DAB1: variants seen among roughly 807,000 people sequenced by gnomAD.
DAB1 encodes the protein DAB adaptor protein 1.
A neutral mutation model predicts 64.6 loss-of-function variants in DAB1; 15 were observed. The ratio of observed to expected loss-of-function variants is 0.23; its 90% confidence interval spans 0.16 to 0.36. The LOEUF (loss-of-function observed/expected upper bound fraction) is 0.36, where lower values mean the gene tolerates loss of function less well. Ranked by LOEUF, DAB1 falls within the 10% of genes least tolerant of loss-of-function variation. The probability of loss-of-function intolerance (pLI) is 1.00; values close to 1 mark genes in which losing one functional copy is unlikely to be tolerated. For synonymous variants in DAB1, 235 were observed against 251.9 expected (o/e 0.93, Z 0.64); for missense variants, 596 against 706.7 (o/e 0.84, Z 1.78).
chr1:57,013,684 T>G (rs1646334935), intron 12 of DAB1, among the ~76,000 whole-genome samples: 1 of 152,158 alleles, frequency 6.6e-6, no homozygotes, highest in South Asian at 2.1e-4. Flanking sequence ...GTGACAGTAA[T>G]GAAACCGCCA....
intron 6 of DAB1, among the ~76,000 whole-genome samples, chr1:57,689,371 T>C (rs543001519): frequency 6.6e-4 from 101 of 152,264 alleles, no homozygotes; most frequent in Non-Finnish European, 1.1e-3. Flanking sequence ...GTGAAGGTGA[T>C]AATGGGGTTT....
At chr1:57,888,565 G>A (rs191663436), upstream of DAB1, among the ~76,000 whole-genome samples, 21 of 152,288 alleles carry the variant, frequency 1.4e-4, no homozygotes, top group Non-Finnish European at 2.4e-4. Context: ...GAAACAAAAT[G>A]TGCTTTGCAA....
At chr1:58,265,757 C>A (rs75953457) in intron 4 of DAB1, among the ~76,000 whole-genome samples, 1 of 152,222 alleles carries the variant, frequency 6.6e-6, no homozygotes, top group South Asian at 2.1e-4. Context: ...TTTTTAGGAG[C>A]AAAATATGAA....
intron 4 of DAB1, among the ~76,000 whole-genome samples, chr1:58,169,666 T>C (rs1158561995): frequency 6.6e-6 from 1 of 152,168 alleles, no homozygotes; most frequent in Admixed American, 6.5e-5. Flanking sequence ...ATGCAAAGCT[T>C]GCAATTTACA....
At chr1:57,189,519 G>A (rs1663925791) in intron 2 of DAB1, among the ~76,000 whole-genome samples, 1 of 152,144 alleles carries the variant, frequency 6.6e-6, no homozygotes, top group South Asian at 2.1e-4. Flanking sequence ...TGGAGCAAAT[G>A]GTTTTGCAGG....
chr1:57,542,844 T>A (rs1047166553), intron 7 of DAB1, among the ~76,000 whole-genome samples: 1 of 152,120 alleles, frequency 6.6e-6, no homozygotes, highest in Admixed American at 6.5e-5. Flanking sequence ...GCAGAAGAGA[T>A]GATATGTCAC....
chr1:58,374,362 T>G (rs1331922464), intron 3 of DAB1, among the ~76,000 whole-genome samples: 2 of 125,046 alleles, frequency 1.6e-5, no homozygotes, highest in African/African-American at 5.9e-5. Flanking sequence ...TTGTATAAGG[T>G]GTAAGGAAGG....
At chr1:58,100,136 A>G (rs1651227262) in intron 5 of DAB1, among the ~76,000 whole-genome samples, 1 of 152,224 alleles carries the variant, frequency 6.6e-6, no homozygotes, top group Non-Finnish European at 1.5e-5. Flanking sequence ...TATAAAATTC[A>G]GTGGCATTAA....
At chr1:58,060,409 C>A (rs1007791188) in intron 5 of DAB1, 2 of 152,152 alleles carry the variant, frequency 1.3e-5, no homozygotes, top group Non-Finnish European at 2.9e-5. Context: ...TGTAGATAGA[C>A]CAGTTTTTCA....
chr1:58,300,616 G>GAAAGAA (rs1557726101), intron 4 of DAB1, among the ~76,000 whole-genome samples: 8 of 44,084 alleles, frequency 1.8e-4, no homozygotes, highest in African/African-American at 5.9e-4. Flanking sequence ...AAGAAAGAGA[G>GAAAGAA]AGAGAGAGAG....
intron 3 of DAB1, among the ~76,000 whole-genome samples, chr1:58,395,664 C>CT (rs1036589709): frequency 7.2e-5 from 11 of 152,104 alleles, no homozygotes; most frequent in South Asian, 4.2e-4. Flanking sequence ...GCCTGGAGCT[C>CT]TTTTTTTTGG....
chr1:58,465,125 T>C (rs904605514), intron 3 of DAB1, among the ~76,000 whole-genome samples: 2 of 152,218 alleles, frequency 1.3e-5, no homozygotes, highest in East Asian at 1.9e-4. Context: ...ATAAGAAAAG[T>C]ACTCTCCTCT....
chr1:57,068,748 G>T (rs991006006), intron 8 of DAB1, among the ~76,000 whole-genome samples: 1 of 152,132 alleles, frequency 6.6e-6, no homozygotes, highest in Non-Finnish European at 1.5e-5. Context: ...TTGAATCTTG[G>T]CTCTAAATAG....
intron 6 of DAB1, among the ~76,000 whole-genome samples, chr1:57,795,136 C>T (rs144775887): frequency 6.6e-6 from 1 of 152,290 alleles, no homozygotes; most frequent in Non-Finnish European, 1.5e-5. Context: ...AGAACATGAA[C>T]ATGAATAATA....
chr1:58,358,978 T>A (rs77746663), intron 3 of DAB1, among the ~76,000 whole-genome samples: 36 of 45,138 alleles, frequency 8.0e-4, no homozygotes, highest in East Asian at 2.7e-3. Flanking sequence ...ACACACACAC[T>A]CAAAGGATGC....
intron 1 of DAB1, among the ~76,000 whole-genome samples, chr1:57,361,094 T>C (rs10889038): frequency 0.5 from 76,137 of 151,700 alleles, 19,806 homozygotes; most frequent in African/African-American, 0.55. Flanking sequence ...CACTGAGAAA[T>C]GGCATCCCTC....
intron 7 of DAB1, among the ~76,000 whole-genome samples, chr1:57,546,500 T>G (rs1644858199): frequency 6.6e-6 from 1 of 152,204 alleles, no homozygotes; most frequent in Admixed American, 6.5e-5. Flanking sequence ...GCAAAGCACT[T>G]ACTTTTTGAG....
intron 4 of DAB1, among the ~76,000 whole-genome samples, chr1:58,332,541 T>G (rs1470286182): frequency 6.6e-6 from 1 of 152,186 alleles, no homozygotes; most frequent in Non-Finnish European, 1.5e-5. Context: ...CTCTAAAAAC[T>G]GTGCATACAT....
chr1:57,867,926 G>A (rs1008713577), intron 1 of DAB1, among the ~76,000 whole-genome samples: 12 of 152,194 alleles, frequency 7.9e-5, no homozygotes, highest in African/African-American at 2.6e-4. Flanking sequence ...AGAATGGCAC[G>A]GGGTGTGCTT....
Sources: allele counts gnomAD v4.1 joint callset (sites outside exome capture counted in the v4.1 genomes callset), GRCh38; gene constraint gnomAD v4.1.1; transcripts MANE v1.5; gene names NCBI Gene and HGNC (gene_info 2026-07-23, HGNC 2026-07-21).